Variants in MICAL1 observed in about 807,000 individuals in gnomAD.
MICAL1 encodes microtubule associated monooxygenase, calponin and LIM domain containing 1.
A neutral mutation model predicts 131.8 loss-of-function variants in MICAL1; 95 were observed. The observed-to-expected ratio is 0.72, with a 90% CI of 0.61 to 0.86. The LOEUF is 0.86. Among genes scored for constraint, MICAL1 ranks in the 40% least tolerant of loss-of-function variants. The pLI is 0.00. For missense variants in MICAL1, 1,292 were observed against 1,380.6 expected (o/e 0.94, Z 1.02); for synonymous variants, 546 against 554.2 (o/e 0.99, Z 0.21).
chr6:109,444,509 AT>A (rs570891147), intron 24 of MICAL1, among the ~76,000 whole-genome samples, 170 bp from the exon 25 acceptor site: 11 of 152,028 alleles, frequency 7.2e-5, no homozygotes, highest in Non-Finnish European at 1.3e-4. Context: ...GAGCAGCACG[AT>A]TTTTTTTGAA....
intron 1 of MICAL1, among the ~76,000 whole-genome samples, chr6:109,461,702 A>T (rs1178902648): frequency 6.6e-6 from 1 of 152,140 alleles, no homozygotes; most frequent in Non-Finnish European, 1.5e-5. Flanking sequence ...GTAATTTTTA[A>T]TAAGAACTTA....
At position 109,445,267 on chromosome 6, in the gene MICAL1, C is replaced by A; in HGVS notation, c.2811G>T (p.Glu937Asp). Reference sequence around the variant, plus strand: ...CTAGCTCCCTCAAGGCAGCCTCAATCTCATTTAGTCGCCGTTGGATGGTCT... The same window carrying A: ...CTAGCTCCCTCAAGGCAGCCTCAATATCATTTAGTCGCCGTTGGATGGTCT... ...KAQTIQRRLN[E>D]IEAALRELEA... The change falls in exon 22 of 25, where the codon GAG becomes GAT. Residue 937 changes from glutamate to aspartate, a missense_variant. Glu to Asp is a conservative substitution (Grantham distance 45). Coordinates refer to ENST00000358807, the MANE Select transcript of MICAL1 (RefSeq NM_022765.4). 3 of 1,614,156 alleles carry A rather than the reference C, an allele frequency of 1.9e-6. No individual in the cohort carries two copies. Among genetic ancestry groups the A allele is most frequent in the Non-Finnish European group, 2.5e-6 (3 of 1,180,044 alleles).
At chr6:109,464,009 C>G (rs1357279667) in intron 1 of MICAL1, 2 of 152,144 alleles carry the variant, frequency 1.3e-5, no homozygotes, top group African/African-American at 4.8e-5. Flanking sequence ...AGTGAGTAAA[C>G]ACTCACTTAC....
In MICAL1 at chr6:109,448,861, T is replaced by C. The variant is rs758596168; in HGVS notation, c.1535A>G (p.Glu512Gly). The change falls in exon 12 of 25, where the codon GAG becomes GGG. Residue 512 changes from glutamate to glycine, a missense_variant. Glu to Gly is a moderately conservative substitution (Grantham distance 98). Coordinates refer to ENST00000358807, the MANE Select transcript of MICAL1 (RefSeq NM_022765.4). ...MPATGSAGTQ[E>G]ELLRWCQEQT... ...CTCCTGGCACCAGCGTAGCAGCTCC[T>C]CCTGGGTGCCTGCCGACCCTGGGAA... The C allele has an allele frequency of 6.2e-7, 1 of 1,613,744 alleles. No individual in the cohort carries two copies. Among genetic ancestry groups the C allele is most frequent in the Non-Finnish European group, 8.5e-7 (1 of 1,179,970 alleles).
Position 109,455,592 on chromosome 6 carries a change from G to T in MICAL1, c.-44+127C>A. ...GACGCGGCGTGAGCAGGGCTGGGCT[G>T]AGGGAAGACCTGCCTGACCTGCCAG... On this transcript the variant is annotated intron_variant, in intron 1 of 24. Coordinates refer to ENST00000358807, the MANE Select transcript of MICAL1 (RefSeq NM_022765.4). The surrounding 1 kb of genome is among the most constrained non-coding windows in gnomAD (Gnocchi z 4.7). 1 of 624,948 alleles carries T rather than the reference G, an allele frequency of 1.6e-6. No individual in the cohort carries two copies. Among genetic ancestry groups the T allele is most frequent in the Non-Finnish European group, 2.0e-6 (1 of 499,684 alleles). The allele number at this position is 624,948 out of a possible 1,614,324, so 38.7% of individuals were successfully genotyped here. A position where few individuals can be genotyped will look rare whatever the true frequency, so the allele number is the denominator to read the frequency against.
chr6:109,446,184 G>A lies in MICAL1; in HGVS notation c.2533C>T (p.Leu845=). The change falls in exon 19 of 25, where the codon CTG becomes TTG. Residue 845 remains leucine (L), a synonymous_variant. Coordinates refer to ENST00000358807, the MANE Select transcript of MICAL1 (RefSeq NM_022765.4). ...RSCSALARHA[L]ESSFVGWGLP... is the part of the protein sequence containing the mutation. The stretch of plus-strand genomic sequence containing the variant: ...CCCCAGCCCACAAAGCTGCTCTCCA[G>A]GGCGTGGCGGGCCAAGGCGGAGCAG... 1 of 1,585,444 alleles carries A rather than the reference G, an allele frequency of 6.3e-7. No individual in the cohort carries two copies. The highest frequency in any genetic ancestry group is 8.6e-7 in the Non-Finnish European group (1 of 1,167,808).
intron 7 of MICAL1, among the ~76,000 whole-genome samples, chr6:109,451,125 T>C (rs1050234659): frequency 1.2e-4 from 18 of 151,298 alleles, no homozygotes; most frequent in African/African-American, 4.1e-4. Context: ...ATATGATTCC[T>C]GCTGCCTTGT....
intron 1 of MICAL1, chr6:109,465,534 G>C: frequency 2.0e-6 from 2 of 1,022,276 alleles, no homozygotes; most frequent in Non-Finnish European, 2.8e-6. Flanking sequence ...CTATGGCTGT[G>C]AACATTTAAA....
At chr6:109,448,701 TGAGA>T in intron 12 of MICAL1, 27 bp downstream of exon 12, 2 of 1,612,564 alleles carry the variant, frequency 1.2e-6, no homozygotes, top group Non-Finnish European at 1.7e-6. Flanking sequence ...ACTGAGATCA[TGAGA>T]GAGAGGTGGG....
upstream of MICAL1, among the ~76,000 whole-genome samples, chr6:109,460,454 T>C (rs1425934282): frequency 6.9e-6 from 1 of 144,256 alleles, no homozygotes; most frequent in Non-Finnish European, 1.5e-5. Flanking sequence ...AGAAATGTAA[T>C]CGAATGAGCT....
At position 109,448,386 on chromosome 6, in the gene MICAL1, A is replaced by G. The variant is rs763694303; in HGVS notation, c.1672T>C (p.Ser558Pro). Residue 558 changes from serine (S) to proline (P), a missense_variant, in exon 13 of 25, where the codon TCA (serine) becomes CCA (proline). By Grantham distance (74) the Ser-to-Pro change is moderately conservative. Coordinates refer to ENST00000358807, the MANE Select transcript of MICAL1 (RefSeq NM_022765.4). ...YRLQPGLLEP[S>P]ELQGLGALEA... ...AGAGCTCCCAGCCCCTGCAGCTCTGAGGGTTCCCTGTGGGATGTCAGGGAG... is the reference window on the plus strand; with the variant it reads ...AGAGCTCCCAGCCCCTGCAGCTCTGGGGGTTCCCTGTGGGATGTCAGGGAG... 1 of 1,613,256 alleles carries G rather than the reference A, an allele frequency of 6.2e-7. No homozygotes were observed. Among genetic ancestry groups the G allele is most frequent in the Non-Finnish European group, 8.5e-7 (1 of 1,179,992 alleles).
chr6:109,445,326 A>AGGTT, intron 21 of MICAL1, 36 bp from the exon 22 acceptor site: 1 of 1,613,322 alleles, frequency 6.2e-7, no homozygotes, highest in Non-Finnish European at 8.5e-7. Context: ...AGGAGTCTCT[A>AGGTT]GGTTGCTCAA....
chr6:109,450,694 G>A, intron 7 of MICAL1, 137 bp from the exon 8 acceptor site: 1 of 958,820 alleles, frequency 1.0e-6, no homozygotes, highest in South Asian at 1.8e-5. Context: ...CACAGCAGTT[G>A]AAGGCTGAGC....
Position 109,455,755 on chromosome 6 carries a change from G to A in MICAL1, c.-80C>T. 2.0e-6 allele frequency: 2 copies of A among 979,126 alleles called. No individual in the cohort carries two copies. The highest frequency in any genetic ancestry group is 2.4e-6 in the Non-Finnish European group (2 of 828,144). The allele number at this position is 979,126 out of a possible 1,614,324, so 60.7% of individuals were successfully genotyped here. ...AAGCCGGGAGGGGCCGCTTCCTGTT[G>A]GGCTGGCAACCAGGTCTGAGCGGGT... On this transcript the variant is annotated 5_prime_UTR_variant, in exon 1 of 25. Transcript: ENST00000358807. The surrounding 1 kb of genome is among the most constrained non-coding windows in gnomAD (Gnocchi z 4.7).
Position 109,452,306 on chromosome 6 carries a change from TCTCCGG to T in MICAL1, c.766_771del (p.Pro256_Glu257del), listed in dbSNP as rs1454981749. ...TTGTAGATCCTGGCTACACCACTGA[TCTCCGG>T]CACCTGTGTCTCCTCCACGGTGCGT... On this transcript the variant is annotated inframe_deletion, in exon 6 of 25. Coordinates refer to ENST00000358807, the MANE Select transcript of MICAL1 (RefSeq NM_022765.4). 1.9e-6 allele frequency: 3 copies of T among 1,614,138 alleles called. No homozygotes were observed. In the East Asian group the frequency reaches 6.7e-5, roughly 36 times the overall value.
Position 109,445,114 on chromosome 6 carries a change from T to C in MICAL1, c.2881+83A>G, listed in dbSNP as rs1406524823. ...ACAGGTATGTGTTAGCTGTGTGGCATAGCCACTGGGACTCCTACGGGCTGG... is the reference window on the plus strand; with the variant it reads ...ACAGGTATGTGTTAGCTGTGTGGCACAGCCACTGGGACTCCTACGGGCTGG... On this transcript the variant is annotated intron_variant, in intron 22 of 24. Transcript: ENST00000358807. The C allele has an allele frequency of 3.8e-6, 6 of 1,573,550 alleles. No individual in the cohort carries two copies. The African/African-American group carries it at 6.7e-5, about 18-fold the overall frequency.
In MICAL1 at chr6:109,447,702, A is replaced by G; in HGVS notation, c.1965T>C (p.Gly655=). Residue 655 remains glycine, a synonymous_variant, in exon 15 of 25, where the codon GGT becomes GGC. Coordinates refer to ENST00000358807, the MANE Select transcript of MICAL1 (RefSeq NM_022765.4). The stretch of plus-strand genomic sequence containing the variant: ...TCACCTCCAAGCGCAGCTTCTTGCC[A>G]CCAGCATCCTCTGCATTTTCCTGCA... The part of the protein sequence containing the change: ...SRAKENAEDA[G]GKKLRLEMEA... The G allele has an allele frequency of 1.2e-6, 2 of 1,614,044 alleles. No homozygotes were observed. Among genetic ancestry groups the G allele is most frequent in the Non-Finnish European group, 1.7e-6 (2 of 1,179,982 alleles).
In MICAL1 at chr6:109,449,785, T is replaced by C; in HGVS notation, c.1308-2A>G. On this transcript the variant is annotated splice_acceptor_variant, in intron 9 of 24. Transcript: ENST00000358807. LOFTEE classifies it high-confidence loss of function. ...GACAGAAGCTGGTACAGGCTCTCAC[T>C]GAGGGGGTGAGGGTAAGGGGCAGGG... The C allele has an allele frequency of 1.2e-6, 2 of 1,606,880 alleles. No individual in the cohort carries two copies. Among genetic ancestry groups the C allele is most frequent in the Non-Finnish European group, 1.7e-6 (2 of 1,176,620 alleles).
chr6:109,448,858 T>A lies in MICAL1; in HGVS notation c.1538A>T (p.Glu513Val). The change falls in exon 12 of 25, where the codon GAG becomes GTG. Residue 513 changes from glutamate to valine, a missense_variant. Coordinates refer to ENST00000358807, the MANE Select transcript of MICAL1 (RefSeq NM_022765.4). ...PATGSAGTQE[E>V]LLRWCQEQTA... ...CTGCTCCTGGCACCAGCGTAGCAGC[T>A]CCTCCTGGGTGCCTGCCGACCCTGG... 1 of 1,613,716 alleles carries A rather than the reference T, an allele frequency of 6.2e-7. No individual in the cohort carries two copies. The highest frequency in any genetic ancestry group is 1.3e-5 in the African/African-American group (1 of 74,990).
Sources: allele counts gnomAD v4.1 joint callset (sites outside exome capture counted in the v4.1 genomes callset), GRCh38; gene constraint gnomAD v4.1.1; non-coding constraint Gnocchi (gnomAD v3.1); transcripts MANE v1.5; gene names NCBI Gene and HGNC (gene_info 2026-07-23, HGNC 2026-07-21).